Variants in DMC1 observed in about 807,000 individuals in gnomAD.
DMC1 encodes the protein meiotic recombination protein DMC1 homolog.
A neutral mutation model predicts 50.1 loss-of-function variants in DMC1; 27 were observed. The observed-to-expected ratio is 0.54, with a 90% CI of 0.40 to 0.74. DMC1 has a LOEUF of 0.74. Ranked by LOEUF, DMC1 falls within the 30% of genes least tolerant of loss-of-function variation. The pLI, the probability that DMC1 is intolerant of heterozygous loss-of-function variation, is 0.00. For synonymous variants in DMC1, 148 were observed against 136.1 expected (o/e 1.09, Z -0.61); for missense variants, 295 against 420.2 (o/e 0.70, Z 2.60).
At chr22:38,569,061 G>A (rs1344012535) in intron 1 of DMC1, among the ~76,000 whole-genome samples, 4 of 151,648 alleles carry the variant, frequency 2.6e-5, no homozygotes, top group Admixed American at 1.3e-4. Flanking sequence ...GTGGGCGCCC[G>A]TAATCCCACC....
intron 5 of DMC1, among the ~76,000 whole-genome samples, chr22:38,556,901 T>C (rs1189186410): frequency 6.6e-6 from 1 of 152,206 alleles, no homozygotes; most frequent in African/African-American, 2.4e-5. Context: ...GCTGCAGACT[T>C]CAATAAGGAA....
At chr22:38,530,734 C>T (rs1461893960) in intron 12 of DMC1, among the ~76,000 whole-genome samples, 1 of 152,172 alleles carries the variant, frequency 6.6e-6, no homozygotes, top group African/African-American at 2.4e-5. Flanking sequence ...TTTCTCTAAT[C>T]ATATTGCCTC....
At chr22:38,554,330 T>C (rs1178741952) in intron 6 of DMC1, among the ~76,000 whole-genome samples, 4 of 149,532 alleles carry the variant, frequency 2.7e-5, no homozygotes, top group Non-Finnish European at 4.4e-5. Flanking sequence ...TGAACTTTCA[T>C]AGATTAAAAT....
At chr22:38,551,681 A>T (rs967322120) in intron 7 of DMC1, among the ~76,000 whole-genome samples, 2 of 152,052 alleles carry the variant, frequency 1.3e-5, no homozygotes, top group African/African-American at 4.8e-5. Context: ...ACTTTATACC[A>T]GGTACATACA....
At chr22:38,520,518 C>A (rs1199679469) in intron 13 of DMC1, among the ~76,000 whole-genome samples, 1 of 152,102 alleles carries the variant, frequency 6.6e-6, no homozygotes, top group African/African-American at 2.4e-5. Flanking sequence ...CCACCACGCC[C>A]GGCTAATTTT....
At chr22:38,545,367 C>T (rs1212028155) in intron 8 of DMC1, among the ~76,000 whole-genome samples, 1 of 152,130 alleles carries the variant, frequency 6.6e-6, no homozygotes, top group Admixed American at 6.5e-5. Flanking sequence ...TCCATGATCA[C>T]GTCATTGCAC....
At chr22:38,553,854 G>C (rs912688068) in intron 6 of DMC1, among the ~76,000 whole-genome samples, 1 of 151,234 alleles carries the variant, frequency 6.6e-6, no homozygotes, top group African/African-American at 2.4e-5. Flanking sequence ...AGCTACTTGG[G>C]AGGCTGAGGC....
At chr22:38,548,127 A>G (rs1365982847) in intron 8 of DMC1, among the ~76,000 whole-genome samples, 1 of 151,968 alleles carries the variant, frequency 6.6e-6, no homozygotes, top group Non-Finnish European at 1.5e-5. Context: ...ACATACCTCA[A>G]AGTTATGTTC....
chr22:38,518,785 G>A (rs898564167), downstream of DMC1, among the ~76,000 whole-genome samples: 2 of 151,984 alleles, frequency 1.3e-5, no homozygotes, highest in Admixed American at 1.3e-4. Flanking sequence ...CACTCGCCTT[G>A]GCCTCCCAAA....
the DMC1 span, among the ~76,000 whole-genome samples, chr22:38,510,042 G>A: frequency 1.3e-5 from 2 of 152,086 alleles, no homozygotes; most frequent in South Asian, 2.1e-4. Context: ...ATGAAACCCC[G>A]TCTCTCCTAA....
At chr22:38,563,739 G>A (rs371171206) in intron 4 of DMC1, among the ~76,000 whole-genome samples, 2 of 149,184 alleles carry the variant, frequency 1.3e-5, no homozygotes, top group Non-Finnish European at 1.5e-5. Context: ...TCGCTCTGTC[G>A]CCCAGGCTGG....
intron 8 of DMC1, among the ~76,000 whole-genome samples, chr22:38,542,791 T>C (rs2090299594): frequency 6.6e-6 from 1 of 152,148 alleles, no homozygotes; most frequent in South Asian, 2.1e-4. Flanking sequence ...CCACATAACC[T>C]GACTTCAAAT....
At chr22:38,567,074 C>T (rs1602781877) in intron 3 of DMC1, among the ~76,000 whole-genome samples, 1 of 152,210 alleles carries the variant, frequency 6.6e-6, no homozygotes, top group Admixed American at 6.5e-5. Flanking sequence ...CTTCCTTCTA[C>T]AGAACTTCAT....
the DMC1 span, among the ~76,000 whole-genome samples, chr22:38,510,028 C>T: frequency 6.6e-6 from 1 of 152,136 alleles, no homozygotes; most frequent in Non-Finnish European, 1.5e-5. Context: ...GTCTGGCTAA[C>T]ATGATGAAAC....
intron 1 of DMC1, 76 bp from the exon 2 acceptor site, chr22:38,568,365 G>A: frequency 9.7e-7 from 1 of 1,034,920 alleles, no homozygotes; most frequent in South Asian, 1.3e-5. Flanking sequence ...AAGTCAACAA[G>A]GACTAGAAGG....
chr22:38,552,021 C>T (rs926905213), intron 7 of DMC1, among the ~76,000 whole-genome samples: 1 of 151,972 alleles, frequency 6.6e-6, no homozygotes, highest in Admixed American at 6.6e-5. Flanking sequence ...CCACCATGCC[C>T]GGCTAATTTT....
chr22:38,544,737 T>C (rs904243624), intron 8 of DMC1, among the ~76,000 whole-genome samples: 15 of 151,698 alleles, frequency 9.9e-5, no homozygotes, highest in African/African-American at 3.6e-4. Context: ...GCAATTCCCC[T>C]GCCTCAGCCT....
chr22:38,550,048 A>C, intron 7 of DMC1, 51 bp from the exon 8 acceptor site: 1 of 1,312,268 alleles, frequency 7.6e-7, no homozygotes, highest in Non-Finnish European at 1.1e-6. Context: ...AACTTTGTAC[A>C]CATGACTATA....
At chr22:38,562,784 CAT>C (rs2090542186) in intron 4 of DMC1, among the ~76,000 whole-genome samples, 2 of 151,514 alleles carry the variant, frequency 1.3e-5, no homozygotes, top group African/African-American at 4.9e-5. Flanking sequence ...TATGTGTATA[CAT>C]ATACATATAT....
Sources: allele counts gnomAD v4.1 joint callset (sites outside exome capture counted in the v4.1 genomes callset), GRCh38; gene constraint gnomAD v4.1.1; transcripts MANE v1.5; gene names NCBI Gene and HGNC (gene_info 2026-07-23, HGNC 2026-07-21).